The following RBM47 variants were observed in gnomAD, a reference collection of about 807,000 sequenced individuals.
The protein encoded by RBM47 is RNA binding motif protein 47.
A neutral mutation model predicts 47.1 loss-of-function variants in RBM47; 21 were observed. That is an observed-to-expected ratio of 0.45 (90% CI 0.32 to 0.64). The LOEUF (loss-of-function observed/expected upper bound fraction) is 0.64. RBM47 is among the 30% of genes least tolerant of loss of function. The pLI, the probability that RBM47 is intolerant of heterozygous loss-of-function variation, is 0.05. For synonymous variants in RBM47, 375 were observed against 361.7 expected, an observed-to-expected ratio of 1.04 and a Z score of -0.42; for missense variants, 708 against 870.9, an observed-to-expected ratio of 0.81 and a Z score of 2.35.
chr4:40,565,341 G>GT (rs1730996012), intron 1 of RBM47, among the ~76,000 whole-genome samples: 2 of 152,170 alleles, frequency 1.3e-5, no homozygotes, highest in African/African-American at 4.8e-5. Flanking sequence ...GCCAACCTTG[G>GT]TGCTGGAGCT....
At chr4:40,530,004 C>T (rs1186972702) in intron 2 of RBM47, among the ~76,000 whole-genome samples, 2 of 115,984 alleles carry the variant, frequency 1.7e-5, no homozygotes, top group African/African-American at 3.4e-5. Flanking sequence ...GGTGTGATCT[C>T]GGCTCACTGC....
In RBM47 at chr4:40,628,281, G is replaced by A. The variant is rs948908968; in HGVS notation, c.-240+1115C>T. On this transcript the variant is annotated intron_variant, in intron 1 of 6. Transcript: ENST00000295971. The surrounding 1 kb of genome is among the most constrained non-coding windows in gnomAD (Gnocchi z 4.0). The stretch of plus-strand genomic sequence containing the variant: ...TCCTTCTGTTTTCCTTTCAGACTGG[G>A]TTGATTTTAGTTCCCTCCAAGACTT... Among the ~76,000 whole-genome samples, 1 of 152,126 alleles carries A rather than the reference G, an allele frequency of 6.6e-6. No homozygotes were observed. The highest frequency in any genetic ancestry group is 1.5e-5 in the Non-Finnish European group (1 of 68,032).
intron 1 of RBM47, among the ~76,000 whole-genome samples, chr4:40,592,329 A>G (rs890694861): frequency 6.0e-5 from 9 of 149,632 alleles, no homozygotes; most frequent in African/African-American, 2.2e-4. Context: ...ATCACAGCTC[A>G]CTGCAGCCTC....
At chr4:40,492,502 G>A (rs1049010311) in intron 2 of RBM47, among the ~76,000 whole-genome samples, 2 of 152,184 alleles carry the variant, frequency 1.3e-5, no homozygotes, top group African/African-American at 2.4e-5. Flanking sequence ...CTCCTGTTCC[G>A]ATCATTGTTT....
intron 3 of RBM47, among the ~76,000 whole-genome samples, chr4:40,443,077 T>C (rs1217146944): frequency 6.6e-6 from 1 of 152,214 alleles, no homozygotes; most frequent in Non-Finnish European, 1.5e-5. Flanking sequence ...ATAAATATTA[T>C]ATGATTCCAC....
intron 1 of RBM47, among the ~76,000 whole-genome samples, chr4:40,595,438 GA>G (rs1734664795): frequency 6.6e-6 from 1 of 152,094 alleles, no homozygotes; most frequent in Non-Finnish European, 1.5e-5. Context: ...AGGTTGCAGT[GA>G]GCCGAGATTG....
chr4:40,530,266 C>A (rs1316032332), intron 2 of RBM47, among the ~76,000 whole-genome samples: 1 of 151,426 alleles, frequency 6.6e-6, no homozygotes, highest in East Asian at 2.0e-4. Flanking sequence ...CTAGGTGGAG[C>A]ATCTTCTGTA....
At chr4:40,502,762 C>T (rs1202112306) in intron 2 of RBM47, among the ~76,000 whole-genome samples, 4 of 152,104 alleles carry the variant, frequency 2.6e-5, no homozygotes, top group Non-Finnish European at 4.4e-5. Context: ...AGGAAGATCA[C>T]TTGAGCCCAG....
intron 2 of RBM47, among the ~76,000 whole-genome samples, chr4:40,497,723 C>T (rs1402314988): frequency 6.6e-6 from 1 of 150,966 alleles, no homozygotes; most frequent in Non-Finnish European, 1.5e-5. Flanking sequence ...CTTGCAGTCC[C>T]AGTACTTTAG....
At chr4:40,539,739 C>CAAAAAAAAAAAAAAAA (rs56005602) in intron 2 of RBM47, among the ~76,000 whole-genome samples, 1 of 56,292 alleles carries the variant, frequency 1.8e-5, no homozygotes, top group African/African-American at 6.9e-5. Context: ...GACTCTGTCT[C>CAAAAAAAAAAAAAAAA]AAAAAAAAAA....
intron 1 of RBM47, among the ~76,000 whole-genome samples, chr4:40,568,534 T>C (rs1288189421): frequency 1.3e-5 from 2 of 150,858 alleles, no homozygotes; most frequent in African/African-American, 4.9e-5. Context: ...GACATGAATT[T>C]AACATGTTGC....
intron 1 of RBM47, among the ~76,000 whole-genome samples, chr4:40,623,266 C>G (rs887633961): frequency 6.6e-5 from 10 of 152,158 alleles, no homozygotes; most frequent in Admixed American, 2.6e-4. Flanking sequence ...GGTCCCTGGG[C>G]CAAACTACTG....
At chr4:40,593,133 T>A (rs1397139310) in intron 1 of RBM47, among the ~76,000 whole-genome samples, 7 of 148,634 alleles carry the variant, frequency 4.7e-5, no homozygotes, top group African/African-American at 1.5e-4. Context: ...TAGCTGGGAC[T>A]ACAGGCGCCC....
intron 2 of RBM47, among the ~76,000 whole-genome samples, chr4:40,528,576 C>T (rs972714421): frequency 6.6e-6 from 1 of 151,876 alleles, no homozygotes; most frequent in Non-Finnish European, 1.5e-5. Context: ...ACCAGCCTGG[C>T]CAATATGGTG....
chr4:40,485,910 A>T lies in RBM47; in HGVS notation c.-154-19211T>A, dbSNP rs563207636. ...GGCCATCTGTGTAAAAAAAAAAAAAAAAATACAAACATTAGCTAGGCATGG... is the reference window on the plus strand; with the variant it reads ...GGCCATCTGTGTAAAAAAAAAAAAATAAATACAAACATTAGCTAGGCATGG... On this transcript the variant is annotated intron_variant, in intron 2 of 6. Transcript: ENST00000295971. 8.4e-3 allele frequency among the ~76,000 whole-genome samples: 1,264 copies of T among 150,110 alleles called. 8 individuals carry two copies. The highest frequency in any genetic ancestry group is 0.03 in the African/African-American group (1,216 of 40,426).
At chr4:40,465,691 AAG>A (rs1338899296) in intron 3 of RBM47, among the ~76,000 whole-genome samples, 1 of 151,998 alleles carries the variant, frequency 6.6e-6, no homozygotes, top group Non-Finnish European at 1.5e-5. Flanking sequence ...AAAAAAAAAA[AAG>A]AGAGATCTTG....
chr4:40,606,061 G>T lies in RBM47; in HGVS notation c.-240+23335C>A, dbSNP rs1735731179. 2.0e-5 allele frequency among the ~76,000 whole-genome samples: 3 copies of T among 151,164 alleles called. No homozygotes were observed. The South Asian group carries it at 6.3e-4, about 32-fold the overall frequency. On this transcript the variant is annotated intron_variant, in intron 1 of 6. Transcript: ENST00000295971. The stretch of plus-strand genomic sequence containing the variant: ...TAAAAAAAAAAAAACAGCCGGGTGT[G>T]GTGGTGCACGCCTGCAATCCCAGCT...
intron 3 of RBM47, among the ~76,000 whole-genome samples, chr4:40,453,086 G>A (rs1032098427): frequency 6.6e-6 from 1 of 151,974 alleles, no homozygotes; most frequent in East Asian, 1.9e-4. Context: ...TGATCTGCCC[G>A]CCTCAGCCTC....
At chr4:40,585,500 G>A (rs1158404245) in intron 1 of RBM47, among the ~76,000 whole-genome samples, 1 of 152,178 alleles carries the variant, frequency 6.6e-6, no homozygotes, top group Non-Finnish European at 1.5e-5. Context: ...AAGATCTTGT[G>A]TAAAGAAAAA....
Sources: allele counts gnomAD v4.1 joint callset (sites outside exome capture counted in the v4.1 genomes callset), GRCh38; gene constraint gnomAD v4.1.1; non-coding constraint Gnocchi (gnomAD v3.1); transcripts MANE v1.5; gene names NCBI Gene and HGNC (gene_info 2026-07-23, HGNC 2026-07-21).